The following ACACB variants were observed in gnomAD, a reference collection of about 807,000 sequenced individuals.
ACACB encodes acetyl-CoA carboxylase 2.
A neutral mutation model predicts 278.8 loss-of-function variants in ACACB; 209 were observed. That is an observed-to-expected ratio of 0.75 (90% CI 0.67 to 0.84). The LOEUF (loss-of-function observed/expected upper bound fraction) is 0.84, where lower values mean the gene tolerates loss of function less well. Among genes scored for constraint, ACACB ranks in the 40% least tolerant of loss-of-function variants. The pLI is 0.00. For synonymous variants in ACACB, 1,174 were observed against 1,285.6 expected, an observed-to-expected ratio of 0.91 and a Z score of 1.86; for missense variants, 2,850 against 3,269.0, an observed-to-expected ratio of 0.87 and a Z score of 3.13.
chr12:109,128,196 C>T (rs1415539231), intron 1 of ACACB, among the ~76,000 whole-genome samples: 3 of 152,056 alleles, frequency 2.0e-5, no homozygotes, highest in East Asian at 1.9e-4. Flanking sequence ...TCGCCCAGGC[C>T]GCAGTGCAGT....
intron 1 of ACACB, among the ~76,000 whole-genome samples, chr12:109,125,009 C>T (rs571586478): frequency 1.6e-4 from 24 of 152,186 alleles, no homozygotes; most frequent in African/African-American, 2.4e-4. Flanking sequence ...CCACTGTGCC[C>T]GGCCCAACTC....
At chr12:109,243,515 C>G (rs1324201872) in intron 37 of ACACB, among the ~76,000 whole-genome samples, 1 of 152,152 alleles carries the variant, frequency 6.6e-6, no homozygotes, top group African/African-American at 2.4e-5. Flanking sequence ...AGGAGAATTG[C>G]TTGAACCCGG....
intron 7 of ACACB, among the ~76,000 whole-genome samples, 186 bp from the exon 8 acceptor site, chr12:109,175,745 T>G (rs1233757106): frequency 6.6e-6 from 1 of 152,210 alleles, no homozygotes; most frequent in African/African-American, 2.4e-5. Flanking sequence ...TGATTTCTCA[T>G]TCAAGGTTGG....
At chr12:109,134,130 T>C (rs1461626211) in intron 1 of ACACB, among the ~76,000 whole-genome samples, 1 of 151,866 alleles carries the variant, frequency 6.6e-6, no homozygotes, top group African/African-American at 2.4e-5. Flanking sequence ...CCAAGCTGGG[T>C]ACAAGGATCC....
chr12:109,160,617 G>A (rs1455583305), intron 2 of ACACB, among the ~76,000 whole-genome samples: 2 of 152,176 alleles, frequency 1.3e-5, no homozygotes, highest in Admixed American at 6.5e-5. Flanking sequence ...ATAAGGACAG[G>A]GCTTCTCACT....
At chr12:109,141,584 G>GT (rs2043127440) in intron 2 of ACACB, among the ~76,000 whole-genome samples, 1 of 152,168 alleles carries the variant, frequency 6.6e-6, no homozygotes, top group African/African-American at 2.4e-5. Context: ...CTGGAGTGAA[G>GT]TTTTACTGGC....
At chr12:109,135,911 G>A (rs558262777) in intron 1 of ACACB, among the ~76,000 whole-genome samples, 75 of 149,838 alleles carry the variant, frequency 5.0e-4, no homozygotes, top group Non-Finnish European at 8.3e-4. Context: ...CCGGGTTCAC[G>A]CCATTCTCCT....
rs975747682 is a variant in ACACB at position 109,205,138 on chromosome 12, G to A, written c.2914-1572G>A. Among the ~76,000 whole-genome samples the A allele has an allele frequency of 7.2e-5, 11 of 152,302 alleles. 1 individual carries two copies. The highest frequency in any genetic ancestry group is 5.2e-4 in the Admixed American group (8 of 15,300). ...CAAAATGCTGGGATTACAAGGGTGA[G>A]CCACTGTGCCTGGCATCACTAGTCT... On this transcript the variant is annotated intron_variant, in intron 19 of 52. Transcript: ENST00000338432.
intron 29 of ACACB, among the ~76,000 whole-genome samples, chr12:109,233,273 A>G (rs974693255): frequency 3.3e-5 from 5 of 152,240 alleles, no homozygotes; most frequent in African/African-American, 1.2e-4. Flanking sequence ...ACTAAATGTT[A>G]GCTCTCAATA....
chr12:109,212,314 G>T (rs1165471606), intron 21 of ACACB, among the ~76,000 whole-genome samples: 1 of 152,184 alleles, frequency 6.6e-6, no homozygotes, highest in Non-Finnish European at 1.5e-5. Flanking sequence ...ACGGACCGGG[G>T]AGGGGGATGG....
At chr12:109,168,376 A>G (rs2043991971) in intron 4 of ACACB, among the ~76,000 whole-genome samples, 1 of 152,172 alleles carries the variant, frequency 6.6e-6, no homozygotes, top group East Asian at 1.9e-4. Flanking sequence ...TAAGTTTATT[A>G]TAATGAATCA....
At chr12:109,126,671 G>A (rs1007437051) in intron 1 of ACACB, among the ~76,000 whole-genome samples, 3 of 152,010 alleles carry the variant, frequency 2.0e-5, no homozygotes, top group Admixed American at 6.6e-5. Flanking sequence ...GTGACAGAGA[G>A]AGACCTTGTC....
In ACACB at chr12:109,199,474, C is replaced by T. The variant is rs754082689; in HGVS notation, c.2700C>T (p.Pro900=). The T allele has an allele frequency of 6.4e-7, 1 of 1,570,332 alleles. No individual in the cohort carries two copies. Among genetic ancestry groups the T allele is most frequent in the South Asian group, 1.2e-5 (1 of 84,536 alleles). Residue 900 remains proline, a synonymous_variant, in exon 18 of 53, where the codon CCC becomes CCT. Coordinates refer to ENST00000338432, the MANE Select transcript of ACACB (RefSeq NM_001093.4). ...KENDPTVLRS[P]SAGKLTQYTV... Reference sequence around the variant, plus strand: ...ACGATCCTACAGTCCTGAGATCCCCCTCGGCTGGGAAGCTGACACAGTACA... The same window carrying T: ...ACGATCCTACAGTCCTGAGATCCCCTTCGGCTGGGAAGCTGACACAGTACA...
intron 19 of ACACB, among the ~76,000 whole-genome samples, chr12:109,203,080 AG>A (rs2045384180): frequency 1.3e-5 from 2 of 152,168 alleles, no homozygotes; most frequent in Non-Finnish European, 2.9e-5. Context: ...CAACTCCTCT[AG>A]GTGCCTCATA....
chr12:109,144,750 C>CTTTTTTTTTTTTT lies in ACACB; in HGVS notation c.653+4695_653+4696insTTTTTTTTTTTTT, dbSNP rs770963307. On this transcript the variant is annotated intron_variant, in intron 2 of 52. Transcript: ENST00000338432. ...TCTTTCTTTTTCTTTTTCTTTCTTT[C>CTTTTTTTTTTTTT]TTTCTTTTTTTTTTTTTTTTTTGAG... 5.4e-4 allele frequency among the ~76,000 whole-genome samples: 47 copies of CTTTTTTTTTTTTT among 86,778 alleles called. 4 individuals carry two copies. Among genetic ancestry groups the CTTTTTTTTTTTTT allele is most frequent in the Non-Finnish European group, 8.1e-4 (38 of 46,720 alleles). The allele number at this position is 86,778 out of a possible 152,430, so 56.9% of individuals were successfully genotyped here. A position where few individuals can be genotyped will look rare whatever the true frequency, so the allele number is the denominator to read the frequency against.
intron 50 of ACACB, 68 bp downstream of exon 50, chr12:109,264,454 T>G: frequency 8.2e-5 from 118 of 1,437,820 alleles, no homozygotes; most frequent in East Asian, 1.3e-4. Context: ...GGAGGACATT[T>G]GGGCTCGGGG....
rs2046093255 is a variant in ACACB at position 109,219,212 on chromosome 12, G to C, written c.3564+2292G>C. Among the ~76,000 whole-genome samples, 6 of 152,314 alleles carry C rather than the reference G, an allele frequency of 3.9e-5. No homozygotes were observed. In the South Asian group the frequency reaches 1.2e-3, roughly 32 times the overall value. ...TAGGTACATGAATGAGGGTGGCTATGTTCCAATAAAACTTTATTTACAAAA... is the reference window on the plus strand; with the variant it reads ...TAGGTACATGAATGAGGGTGGCTATCTTCCAATAAAACTTTATTTACAAAA... On this transcript the variant is annotated intron_variant, in intron 24 of 52. Coordinates refer to ENST00000338432, the MANE Select transcript of ACACB (RefSeq NM_001093.4).
In ACACB at chr12:109,241,153, G is replaced by A; in HGVS notation, c.4894G>A (p.Val1632Ile). The A allele has an allele frequency of 6.2e-7, 1 of 1,614,160 alleles. No individual in the cohort carries two copies. The highest frequency in any genetic ancestry group is 8.5e-7 in the Non-Finnish European group (1 of 1,180,038). The change falls in exon 36 of 53, where the codon GTC becomes ATC. Residue 1632 changes from valine (V) to isoleucine (I), a missense_variant. Val to Ile is a conservative substitution (Grantham distance 29). Coordinates refer to ENST00000338432, the MANE Select transcript of ACACB (RefSeq NM_001093.4). Reference sequence around the variant, plus strand: ...GAAACTCCGTGTGCTACAGGCTGAGGTCAAGATCAACATCCGCCAGACCAC... The same window carrying A: ...GAAACTCCGTGTGCTACAGGCTGAGATCAAGATCAACATCCGCCAGACCAC... Reference protein sequence around the residue: ...LWKLRVLQAEVKINIRQTTTG... With the variant: ...LWKLRVLQAEIKINIRQTTTG...
intron 32 of ACACB, 40 bp downstream of exon 32, chr12:109,235,409 C>T: frequency 6.3e-7 from 1 of 1,588,176 alleles, no homozygotes; most frequent in Non-Finnish European, 8.6e-7. Flanking sequence ...TTCCCATTCT[C>T]CAAGCCTTGG....
Sources: gnomAD v4.1 joint callset for allele counts (sites outside exome capture counted in the v4.1 genomes callset) on GRCh38, gnomAD v4.1.1 for gene constraint, MANE v1.5 for transcripts, NCBI Gene and HGNC (gene_info 2026-07-23, HGNC 2026-07-21) for gene names.